KIAA0753: variants seen among roughly 807,000 people sequenced by gnomAD.
The protein encoded by KIAA0753 is protein moonraker.
In KIAA0753, 114 loss-of-function variants were observed where a neutral mutation model predicts 116.9. The observed-to-expected ratio is 0.98, with a 90% CI of 0.84 to 1.14. KIAA0753 has a LOEUF of 1.14. Among genes scored for constraint, KIAA0753 ranks in the 50% most tolerant of loss-of-function variants. The probability of loss-of-function intolerance (pLI) is 0.00; values close to 1 mark genes in which losing one functional copy is unlikely to be tolerated. For missense variants in KIAA0753, 1,156 were observed against 1,172.4 expected (o/e 0.99, Z 0.20); for synonymous variants, 405 against 413.1 (o/e 0.98, Z 0.24).
intron 6 of KIAA0753, 45 bp from the exon 7 acceptor site, chr17:6,621,043 A>AT (rs1170715422): frequency 6.3e-7 from 1 of 1,575,482 alleles, no homozygotes; most frequent in African/African-American, 1.3e-5. Context: ...ATCTCGCAAA[A>AT]GTATGACTTT....
chr17:6,624,742 G>C lies in KIAA0753; in HGVS notation c.825+13C>G, dbSNP rs1423104720. 6.5e-7 allele frequency: 1 copy of C among 1,544,844 alleles called. No individual in the cohort carries two copies. On this transcript the variant is annotated intron_variant, in intron 4 of 18. Transcript: ENST00000361413. ...AAGGCTGACTGCCCTACTTCTCCCT[G>C]AACTTTTCACACCTGCTGCTGGAGG...
chr17:6,614,586 C>T (rs1970758781), intron 7 of KIAA0753, among the ~76,000 whole-genome samples: 2 of 151,790 alleles, frequency 1.3e-5, no homozygotes, highest in African/African-American at 4.8e-5. Flanking sequence ...GACAGATACA[C>T]AAGCAGTACA....
At chr17:6,620,744 G>A in intron 7 of KIAA0753, 44 bp downstream of exon 7, 1 of 1,579,814 alleles carries the variant, frequency 6.3e-7, no homozygotes, top group Non-Finnish European at 8.7e-7. Flanking sequence ...CCAGATAATT[G>A]TAATGAATAA....
intron 1 of KIAA0753, chr17:6,638,628 C>G (rs1001036070): frequency 6.5e-6 from 1 of 153,654 alleles, no homozygotes; most frequent in Non-Finnish European, 1.4e-5. Context: ...TCCTTTCCCA[C>G]GGGCTCAGAA....
rs754979647 is a variant in KIAA0753 at position 6,607,222 on chromosome 17, T to C, written c.1878A>G (p.Glu626=). 5 of 1,613,750 alleles carry C rather than the reference T, an allele frequency of 3.1e-6. No individual in the cohort carries two copies. The Admixed American group carries it at 8.3e-5, about 27-fold the overall frequency. The change falls in exon 11 of 19, where the codon GAA becomes GAG. Residue 626 remains glutamate (E), a synonymous_variant. Coordinates refer to ENST00000361413, the MANE Select transcript of KIAA0753 (RefSeq NM_014804.3). ...AETSKRLKEL[E]ELKAKEIDSM... is the part of the protein sequence containing the mutation. ...TGTCAATTTCCTTGGCTTTTAACTC[T>C]TCTAGTTCCTTCAATCTTTTGGAAG...
chr17:6,631,485 T>A (rs1038154101), intron 2 of KIAA0753, among the ~76,000 whole-genome samples: 3 of 152,090 alleles, frequency 2.0e-5, no homozygotes, highest in Non-Finnish European at 4.4e-5. Flanking sequence ...ATATGTAGTG[T>A]TGGATTTGAA....
At chr17:6,607,077 A>G in intron 11 of KIAA0753, 104 bp downstream of exon 11, 2 of 1,390,514 alleles carry the variant, frequency 1.4e-6, no homozygotes, top group Non-Finnish European at 2.0e-6. Context: ...TCTTTTAAGG[A>G]GGCAGAAGTG....
intron 2 of KIAA0753, among the ~76,000 whole-genome samples, chr17:6,630,327 A>G (rs1251599427): frequency 2.0e-5 from 3 of 152,164 alleles, no homozygotes; most frequent in Admixed American, 6.5e-5. Flanking sequence ...GTATAGCAAT[A>G]TATGCTGTTG....
intron 18 of KIAA0753, among the ~76,000 whole-genome samples, chr17:6,586,851 T>C (rs1968613763): frequency 6.6e-6 from 1 of 152,222 alleles, no homozygotes; most frequent in Non-Finnish European, 1.5e-5. Flanking sequence ...AGCTTTCTCC[T>C]TACCCAAGAG....
Position 6,623,107 on chromosome 17 carries a change from A to C in KIAA0753, c.889-10T>G. The C allele has an allele frequency of 6.2e-7, 1 of 1,607,154 alleles. No homozygotes were observed. The highest frequency in any genetic ancestry group is 8.5e-7 in the Non-Finnish European group (1 of 1,176,150). ...TAGACATTGCCCATGACTGGTAATAAACAAGATGAGAGAAGTTATTTCCAT... is the reference window on the plus strand; with the variant it reads ...TAGACATTGCCCATGACTGGTAATACACAAGATGAGAGAAGTTATTTCCAT... On this transcript the variant is annotated splice_polypyrimidine_tract_variant and intron_variant, in intron 5 of 18. Transcript: ENST00000361413.
chr17:6,595,034 C>T lies in KIAA0753; in HGVS notation c.2378G>A (p.Arg793His), dbSNP rs201209190. The T allele has an allele frequency of 3.5e-5, 57 of 1,607,664 alleles. No homozygotes were observed. Among genetic ancestry groups the T allele is most frequent in the Non-Finnish European group, 4.4e-5 (52 of 1,175,902 alleles). ...ATATGCGATTTTATTATATCTTTGA[C>T]GAACAGACTCCTGGTATTTCTTTAA... The part of the protein sequence containing the change: ...EEMEKYQESV[R>H]QRYNKIAYAD... The change falls in exon 16 of 19, where the codon CGT becomes CAT. Residue 793 changes from arginine (R) to histidine (H), a missense_variant. Arg to His is a conservative substitution (Grantham distance 29, BLOSUM62 0). Transcript: ENST00000361413.
intron 16 of KIAA0753, among the ~76,000 whole-genome samples, chr17:6,592,314 G>A (rs1478167514): frequency 6.6e-6 from 1 of 152,112 alleles, no homozygotes; most frequent in East Asian, 1.9e-4. Context: ...GATGACATGC[G>A]ACACAGGCTG....
At chr17:6,627,066 G>A (rs1971716173) in intron 3 of KIAA0753, among the ~76,000 whole-genome samples, 2 of 152,178 alleles carry the variant, frequency 1.3e-5, no homozygotes, top group Admixed American at 6.5e-5. Flanking sequence ...CACTCTTTAA[G>A]AAGACCTACA....
chr17:6,624,933 A>G (rs1419805083), intron 3 of KIAA0753, 72 bp from the exon 4 acceptor site: 2 of 930,760 alleles, frequency 2.1e-6, no homozygotes, highest in African/African-American at 3.3e-5. Context: ...GACTTCAATT[A>G]CTTACAGAAA....
At chr17:6,580,086 T>C (rs1016086517) in intron 18 of KIAA0753, among the ~76,000 whole-genome samples, 34 of 151,690 alleles carry the variant, frequency 2.2e-4, no homozygotes, top group Non-Finnish European at 2.5e-4. Flanking sequence ...CTCAGGAGGC[T>C]GAGGCAGGAG....
rs758803621 is a variant in KIAA0753, at chr17:6,612,052, A to G, written c.1412T>C (p.Phe471Ser). The G allele has an allele frequency of 1.9e-5, 30 of 1,614,164 alleles. 1 individual carries two copies. In the South Asian group the frequency reaches 3.3e-4, roughly 18 times the overall value. The change falls in exon 8 of 19, where the codon TTT becomes TCT. Residue 471 changes from phenylalanine to serine, a missense_variant. Coordinates refer to ENST00000361413, the MANE Select transcript of KIAA0753 (RefSeq NM_014804.3). The stretch of plus-strand genomic sequence containing the variant: ...GAAGCTTGCACTTTGGTCTAGAATA[A>G]ATGGTCCTTCTTCCAGAACTATATC... ...DADIVLEEGP[F>S]ILDQSASFKD...
rs1968856152 is a variant in KIAA0753, at chr17:6,589,784, A to G, written c.2781T>C (p.Ala927=). 1.3e-6 allele frequency: 2 copies of G among 1,597,830 alleles called. No homozygotes were observed. The highest frequency in any genetic ancestry group is 1.4e-5 in the African/African-American group (1 of 73,656). ...AVGSFNPWLI[A]ESFSEELVDE... is the part of the protein sequence containing the mutation. ...GACCGTAACATTTTACTGACCTTTC[A>G]GCTATCAGCCACGGGTTGAAGGAGC... is the stretch of plus-strand genomic sequence containing the variant. The change falls in exon 18 of 19, where the codon GCT becomes GCC. Residue 927 remains alanine, a synonymous_variant. Coordinates refer to ENST00000361413, the MANE Select transcript of KIAA0753 (RefSeq NM_014804.3).
rs140878456 is a variant in KIAA0753 at position 6,628,887 on chromosome 17, A to G, written c.94-146T>C. The G allele has an allele frequency of 5.5e-4, 386 of 696,426 alleles. 1 individual carries two copies. Among genetic ancestry groups the G allele is most frequent in the East Asian group, 4.7e-3 (172 of 36,876 alleles). The allele number at this position is 696,426 out of a possible 1,614,324, so 43.1% of individuals were successfully genotyped here. ...TTCTGTTTTACTGATAGACACAGCC[A>G]CGCTCCTACACCCTTGGGTTCATCA... On this transcript the variant is annotated intron_variant, in intron 2 of 18. Coordinates refer to ENST00000361413, the MANE Select transcript of KIAA0753 (RefSeq NM_014804.3).
At chr17:6,617,803 C>T (rs896866652) in intron 7 of KIAA0753, among the ~76,000 whole-genome samples, 8 of 152,122 alleles carry the variant, frequency 5.3e-5, no homozygotes, top group African/African-American at 1.9e-4. Context: ...ATGAAGCCTC[C>T]GTAAAAATTC....
Sources: gnomAD v4.1 joint callset for allele counts (sites outside exome capture counted in the v4.1 genomes callset) on GRCh38, gnomAD v4.1.1 for gene constraint, MANE v1.5 for transcripts, NCBI Gene and HGNC (gene_info 2026-07-23, HGNC 2026-07-21) for gene names.